Variants in ZDHHC15 observed in about 807,000 individuals in gnomAD.
The protein encoded by ZDHHC15 is zDHHC palmitoyltransferase 15, also known as palmitoyltransferase ZDHHC15.
In ZDHHC15, 19 loss-of-function variants were observed where a neutral mutation model predicts 31.7. That is an observed-to-expected ratio of 0.60 (90% CI 0.42 to 0.88). ZDHHC15 has a LOEUF of 0.88. Ranked by LOEUF, ZDHHC15 falls within the 40% of genes least tolerant of loss-of-function variation. ZDHHC15 has a pLI of 0.00. For missense variants in ZDHHC15, 209 were observed against 251.2 expected (o/e 0.83, Z 1.14); for synonymous variants, 103 against 90.0 (o/e 1.14, Z -0.82).
chrX:75,420,910 C>T (rs911340767), intron 9 of ZDHHC15, among the ~76,000 whole-genome samples: 1 of 110,185 alleles, frequency 9.1e-6, no homozygotes, highest in Non-Finnish European at 1.9e-5. Flanking sequence ...ATGTAACAAA[C>T]CTGCATGTTC....
chrX:75,402,977 C>T (rs1441505952), intron 10 of ZDHHC15, among the ~76,000 whole-genome samples: 1 of 111,624 alleles, frequency 9.0e-6, no homozygotes, highest in African/African-American at 3.3e-5. Flanking sequence ...AAAATTGTTG[C>T]AAAAATCCTC....
intron 10 of ZDHHC15, chrX:75,384,676 GA>G: frequency 1.2e-6 from 1 of 826,046 alleles, no homozygotes; most frequent in South Asian, 2.1e-5. Context: ...ACGCATGAAT[GA>G]AAATGATCAG....
At chrX:75,491,756 C>T (rs1214318060) in intron 2 of ZDHHC15, among the ~76,000 whole-genome samples, 2 of 110,897 alleles carry the variant, frequency 1.8e-5, no homozygotes, top group Admixed American at 1.9e-4. Flanking sequence ...GATTTTGTCA[C>T]CACCAGGCCT....
intron 3 of ZDHHC15, among the ~76,000 whole-genome samples, chrX:75,472,119 C>A (rs1252060661): frequency 9.0e-6 from 1 of 111,664 alleles, no homozygotes; most frequent in Non-Finnish European, 1.9e-5. Flanking sequence ...CCTGAAGGCA[C>A]AAGTTACATG....
rs1167997127 is a variant in ZDHHC15 at position 75,368,784 on chromosome X, C to A, written c.*4194G>T. On this transcript the variant is annotated 3_prime_UTR_variant, in exon 12 of 12. Transcript: ENST00000373367. The stretch of plus-strand genomic sequence containing the variant: ...AATCTATTTCCTGGTATATTGAATT[C>A]ATTGTTGGTTTTAACTCATTCTGCT... The A allele has an allele frequency of 9.0e-6, 1 of 110,714 alleles. No homozygotes were observed. Among genetic ancestry groups the A allele is most frequent in the Non-Finnish European group, 1.9e-5 (1 of 52,914 alleles). The allele number at this position is 110,714 out of a possible 1,213,427, so 9.1% of individuals were successfully genotyped here.
At chrX:75,387,439 T>A (rs1569306008) in intron 10 of ZDHHC15, among the ~76,000 whole-genome samples, 2 of 111,283 alleles carry the variant, frequency 1.8e-5, no homozygotes, top group African/African-American at 6.5e-5. Flanking sequence ...GAGAAGCAAT[T>A]CAGAAATTTA....
intron 4 of ZDHHC15, among the ~76,000 whole-genome samples, chrX:75,435,727 G>A (rs936747231): frequency 4.5e-5 from 5 of 112,114 alleles, no homozygotes; most frequent in Non-Finnish European, 9.4e-5. Context: ...TTGATATGCT[G>A]TTGAATTCGG....
At chrX:75,383,706 C>T (rs759361694) in intron 10 of ZDHHC15, among the ~76,000 whole-genome samples, 2 of 108,279 alleles carry the variant, frequency 1.8e-5, no homozygotes, top group South Asian at 8.2e-4. Context: ...TTTTATCACC[C>T]CCACTACCCC....
At chrX:75,486,354 G>A (rs1278995818) in intron 2 of ZDHHC15, among the ~76,000 whole-genome samples, 1 of 112,446 alleles carries the variant, frequency 8.9e-6, no homozygotes, top group Admixed American at 9.4e-5. Flanking sequence ...CTGGGGAAGG[G>A]AAGGCAGCCA....
chrX:75,456,629 A>C (rs1173557701), intron 3 of ZDHHC15, among the ~76,000 whole-genome samples: 2 of 111,247 alleles, frequency 1.8e-5, no homozygotes, highest in East Asian at 5.6e-4. Flanking sequence ...ACCACTGTGG[A>C]AGACAGTGCG....
intron 3 of ZDHHC15, among the ~76,000 whole-genome samples, chrX:75,456,605 T>G (rs985616882): frequency 2.7e-5 from 3 of 110,627 alleles, no homozygotes; most frequent in Non-Finnish European, 3.8e-5. Context: ...TTGGTGGGAG[T>G]GTAAATTAGT....
intron 1 of ZDHHC15, 115 bp from the exon 2 acceptor site, chrX:75,505,962 CA>C: frequency 1.5e-6 from 1 of 649,142 alleles, no homozygotes; most frequent in Non-Finnish European, 2.4e-6. Flanking sequence ...TCCACAGCAT[CA>C]TTTGAGTAAT....
chrX:75,408,252 C>G (rs767830525), intron 10 of ZDHHC15, among the ~76,000 whole-genome samples: 2 of 106,324 alleles, frequency 1.9e-5, no homozygotes, highest in Non-Finnish European at 3.9e-5. Flanking sequence ...ACATTAGTCA[C>G]CACAGTCAAA....
At chrX:75,478,798 T>C in intron 3 of ZDHHC15, 93 bp downstream of exon 3, 1 of 648,638 alleles carries the variant, frequency 1.5e-6, no homozygotes, top group Admixed American at 3.3e-5. Flanking sequence ...GACTCTTTCG[T>C]ATTATTTACT....
chrX:75,482,013 A>G (rs1384213804), intron 2 of ZDHHC15, among the ~76,000 whole-genome samples: 1 of 112,007 alleles, frequency 8.9e-6, no homozygotes, highest in Non-Finnish European at 1.9e-5. Flanking sequence ...AGCTATTTGA[A>G]GGAATGAAGA....
rs765587898 is a variant in ZDHHC15, at chrX:75,400,228, T to A, written c.967+16859A>T. On this transcript the variant is annotated intron_variant, in intron 10 of 11. Transcript: ENST00000373367. ...AAACCCAATCCAAGGAAAATAAGAA[T>A]CATAATAAAGTGATACAGGAGCTGA... Among the ~76,000 whole-genome samples, 58 of 111,013 alleles carry A rather than the reference T, an allele frequency of 5.2e-4. 1 individual carries two copies. The highest frequency in any genetic ancestry group is 9.4e-4 in the Non-Finnish European group (50 of 53,011).
chrX:75,450,731 G>T, intron 4 of ZDHHC15, 71 bp downstream of exon 4: 7 of 1,208,245 alleles, frequency 5.8e-6, no homozygotes, highest in Non-Finnish European at 7.8e-6. Flanking sequence ...GCTAGTTTGA[G>T]AACATATATG....
In ZDHHC15 at chrX:75,368,628, T is replaced by C. The variant is rs1392030347; in HGVS notation, c.*4350A>G. The C allele has an allele frequency of 8.9e-6, 1 of 111,754 alleles. No homozygotes were observed. Among genetic ancestry groups the C allele is most frequent in the African/African-American group, 3.3e-5 (1 of 30,707 alleles). The allele number at this position is 111,754 out of a possible 1,213,427, so 9.2% of individuals were successfully genotyped here. Reference sequence around the variant, plus strand: ...TTTTCTGGCACTCTAATATAGTTCATATATTACCAAGACCCACTGCCAGCT... The same window carrying C: ...TTTTCTGGCACTCTAATATAGTTCACATATTACCAAGACCCACTGCCAGCT... On this transcript the variant is annotated 3_prime_UTR_variant, in exon 12 of 12. Coordinates refer to ENST00000373367, the MANE Select transcript of ZDHHC15 (RefSeq NM_144969.3).
intron 7 of ZDHHC15, among the ~76,000 whole-genome samples, chrX:75,427,268 G>A (rs2083725819): frequency 1.1e-5 from 1 of 91,793 alleles, no homozygotes. Flanking sequence ...TCATCTGTGA[G>A]GCATGAGCTA....
Sources: gnomAD v4.1 joint callset for allele counts (sites outside exome capture counted in the v4.1 genomes callset) on GRCh38, gnomAD v4.1.1 for gene constraint, MANE v1.5 for transcripts, NCBI Gene and HGNC (gene_info 2026-07-23, HGNC 2026-07-21) for gene names.